CYP39A1: variants seen among roughly 807,000 people sequenced by gnomAD.
CYP39A1 encodes cytochrome P450 family 39 subfamily A member 1, also known as 24-hydroxycholesterol 7-alpha-hydroxylase.
A neutral mutation model predicts 58.1 loss-of-function variants in CYP39A1; 49 were observed. The ratio of observed to expected loss-of-function variants is 0.84; its 90% CI spans 0.67 to 1.07. CYP39A1 has a LOEUF of 1.07. Ranked by LOEUF, CYP39A1 falls within the 50% of genes least tolerant of loss-of-function variation. CYP39A1 has a pLI of 0.00. For synonymous variants in CYP39A1, 209 were observed against 187.6 expected, an observed-to-expected ratio of 1.11 and a Z score of -0.93; for missense variants, 531 against 539.4, an observed-to-expected ratio of 0.98 and a Z score of 0.16.
Position 46,588,149 on chromosome 6 carries a change from T to A in CYP39A1, c.1066-20A>T. On this transcript the variant is annotated intron_variant, in intron 8 of 11. Coordinates refer to ENST00000275016, the MANE Select transcript of CYP39A1 (RefSeq NM_016593.5). The stretch of plus-strand genomic sequence containing the variant: ...GTAATTCTATAACAGAAAAATCAGC[T>A]GCAAATCATTTTTTTGAAATATACT... 6.8e-7 allele frequency: 1 copy of A among 1,465,528 alleles called. No homozygotes were observed. The highest frequency in any genetic ancestry group is 1.3e-5 in the South Asian group (1 of 77,636). 90.8% of individuals were successfully genotyped at this position (1,465,528 alleles called of 1,614,324 possible).
intron 7 of CYP39A1, among the ~76,000 whole-genome samples, chr6:46,596,957 C>T (rs1019719214): frequency 4.6e-5 from 7 of 152,090 alleles, no homozygotes; most frequent in Admixed American, 6.6e-5. Flanking sequence ...ATTAAGTCAA[C>T]GCATTTCTCT....
Position 46,601,484 on chromosome 6 carries a change from C to T in CYP39A1, c.932-5364G>A, listed in dbSNP as rs1389754026. Reference sequence around the variant, plus strand: ...TCTATCCCTCTAGTCCCATCTCACACTGAATCCTAGAGGCTATGTGACCTT... The same window carrying T: ...TCTATCCCTCTAGTCCCATCTCACATTGAATCCTAGAGGCTATGTGACCTT... On this transcript the variant is annotated intron_variant, in intron 7 of 11. Transcript: ENST00000275016. Among the ~76,000 whole-genome samples the T allele has an allele frequency of 2.0e-5, 3 of 152,298 alleles. No individual in the cohort carries two copies. In the South Asian group the frequency reaches 6.2e-4, roughly 32 times the overall value.
At chr6:46,567,074 T>C (rs1426829079) in intron 10 of CYP39A1, among the ~76,000 whole-genome samples, 1 of 152,124 alleles carries the variant, frequency 6.6e-6, no homozygotes, top group Non-Finnish European at 1.5e-5. Flanking sequence ...GTGACCATAC[T>C]GTACATTAGG....
intron 10 of CYP39A1, among the ~76,000 whole-genome samples, chr6:46,575,410 G>A (rs974812905): frequency 7.2e-5 from 11 of 152,156 alleles, no homozygotes; most frequent in Admixed American, 7.2e-4. Flanking sequence ...CCTCTCTCAG[G>A]GTCCCTGCCT....
At chr6:46,599,819 C>G (rs964941328) in intron 7 of CYP39A1, among the ~76,000 whole-genome samples, 1 of 152,092 alleles carries the variant, frequency 6.6e-6, no homozygotes, top group South Asian at 2.1e-4. Context: ...GTTTGCAGGT[C>G]TAAAAGGCAT....
chr6:46,588,459 G>T (rs777682642), intron 8 of CYP39A1, among the ~76,000 whole-genome samples: 4 of 152,052 alleles, frequency 2.6e-5, no homozygotes, highest in African/African-American at 4.8e-5. Flanking sequence ...TTAGAAACTA[G>T]TATAAGTCCC....
chr6:46,597,894 C>T (rs893937999), intron 7 of CYP39A1, among the ~76,000 whole-genome samples: 1 of 152,122 alleles, frequency 6.6e-6, no homozygotes, highest in Non-Finnish European at 1.5e-5. Context: ...TTGCTCAGAT[C>T]TGAGCAATCT....
At chr6:46,600,449 A>G (rs1400228671) in intron 7 of CYP39A1, among the ~76,000 whole-genome samples, 1 of 151,954 alleles carries the variant, frequency 6.6e-6, no homozygotes, top group African/African-American at 2.4e-5. Context: ...ACACCTGACT[A>G]TGCTAATGAA....
intron 10 of CYP39A1, among the ~76,000 whole-genome samples, chr6:46,579,433 C>A (rs1212792878): frequency 6.6e-6 from 1 of 152,022 alleles, no homozygotes; most frequent in Non-Finnish European, 1.5e-5. Flanking sequence ...GAACCCTTCC[C>A]CTTGAAAACC....
chr6:46,560,009 AGAACAG>A (rs1770890011), intron 10 of CYP39A1, among the ~76,000 whole-genome samples: 1 of 152,214 alleles, frequency 6.6e-6, no homozygotes, highest in Admixed American at 6.5e-5. Context: ...ATAATAAATA[AGAACAG>A]GAAAGAAAGT....
At chr6:46,596,561 T>C (rs756415197) in intron 7 of CYP39A1, among the ~76,000 whole-genome samples, 19 of 151,616 alleles carry the variant, frequency 1.3e-4, no homozygotes, top group Non-Finnish European at 2.1e-4. Flanking sequence ...CCCTTTTGAA[T>C]TGCTTTTTTT....
At chr6:46,551,909 G>A (rs1770418092) in intron 11 of CYP39A1, among the ~76,000 whole-genome samples, 1 of 152,106 alleles carries the variant, frequency 6.6e-6, no homozygotes, top group African/African-American at 2.4e-5. Context: ...AATAAGAATT[G>A]TGAGATAAAA....
chr6:46,582,387 T>C (rs921629459), intron 10 of CYP39A1, among the ~76,000 whole-genome samples: 3 of 152,174 alleles, frequency 2.0e-5, no homozygotes, highest in African/African-American at 7.2e-5. Flanking sequence ...GCATTATCTT[T>C]AACATAAATA....
rs1405982252 is a variant in CYP39A1 at position 46,609,168 on chromosome 6, G to A, written c.932-13048C>T. On this transcript the variant is annotated intron_variant, in intron 7 of 11. Coordinates refer to ENST00000275016, the MANE Select transcript of CYP39A1 (RefSeq NM_016593.5). ...TGTAATCCCAGCACTTCGGGAGGCC[G>A]AGGTGGGCGGATTACGAGGTCAGAA... Among the ~76,000 whole-genome samples, 5 of 151,958 alleles carry A rather than the reference G, an allele frequency of 3.3e-5. 1 individual carries two copies. The highest frequency in any genetic ancestry group is 2.1e-4 in the South Asian group (1 of 4,822).
intron 10 of CYP39A1, 107 bp from the exon 11 acceptor site, chr6:46,553,961 T>C: frequency 1.4e-6 from 1 of 710,200 alleles, no homozygotes; most frequent in South Asian, 1.9e-5. Flanking sequence ...CATGCTCTTC[T>C]TTACAATATA....
At chr6:46,621,282 T>C (rs1317182421) in intron 7 of CYP39A1, among the ~76,000 whole-genome samples, 1 of 152,016 alleles carries the variant, frequency 6.6e-6, no homozygotes, top group Non-Finnish European at 1.5e-5. Flanking sequence ...TAAGGAAATC[T>C]TTTCTAAAGA....
At chr6:46,561,435 C>T (rs1337270418) in intron 10 of CYP39A1, among the ~76,000 whole-genome samples, 3 of 151,976 alleles carry the variant, frequency 2.0e-5, no homozygotes, top group African/African-American at 4.8e-5. Flanking sequence ...ATGGGAGCTG[C>T]GCAAGTGAAG....
Position 46,639,630 on chromosome 6 carries a change from T to G in CYP39A1, c.352A>C (p.Lys118Gln). The G allele has an allele frequency of 6.2e-7, 1 of 1,613,868 alleles. No homozygotes were observed. The highest frequency in any genetic ancestry group is 8.5e-7 in the Non-Finnish European group (1 of 1,179,930). ...TTCCCTTTCAACATAATATAGAGTT[T>G]TTCATGCAGTGCTAAAAAGACATTC... The part of the protein sequence containing the change: ...PKNVFLALHE[K>Q]LYIMLKGKMG... Residue 118 changes from lysine to glutamine, a missense_variant, in exon 3 of 12, where the codon AAA becomes CAA. By Grantham distance (53) the Lys-to-Gln change is moderately conservative. Coordinates refer to ENST00000275016, the MANE Select transcript of CYP39A1 (RefSeq NM_016593.5).
intron 5 of CYP39A1, among the ~76,000 whole-genome samples, chr6:46,634,603 C>T (rs367619412): frequency 2.0e-5 from 3 of 147,020 alleles, no homozygotes; most frequent in Non-Finnish European, 4.4e-5. Context: ...CGCACCATAA[C>T]CTCCGCCTCC....
Sources: gnomAD v4.1 joint callset for allele counts (sites outside exome capture counted in the v4.1 genomes callset) on GRCh38, gnomAD v4.1.1 for gene constraint, MANE v1.5 for transcripts, NCBI Gene and HGNC (gene_info 2026-07-23, HGNC 2026-07-21) for gene names.